BTBD9: variants seen among roughly 807,000 people sequenced by gnomAD.
BTBD9 encodes BTB/POZ domain-containing protein 9.
A neutral mutation model predicts 64.3 loss-of-function variants in BTBD9; 49 were observed. That is an observed-to-expected ratio of 0.76 (90% CI 0.61 to 0.97). BTBD9 has a LOEUF of 0.97. Among genes scored for constraint, BTBD9 ranks in the 50% least tolerant of loss-of-function variants. The probability of loss-of-function intolerance (pLI) is 0.00; values close to 1 mark genes in which losing one functional copy is unlikely to be tolerated. For synonymous variants in BTBD9, 260 were observed against 274.7 expected, an observed-to-expected ratio of 0.95 and a Z score of 0.53; for missense variants, 598 against 762.1, an observed-to-expected ratio of 0.78 and a Z score of 2.53.
At chr6:38,247,324 T>C (rs368925373) in intron 9 of BTBD9, among the ~76,000 whole-genome samples, 8 of 152,324 alleles carry the variant, frequency 5.3e-5, no homozygotes, top group Non-Finnish European at 7.4e-5. Context: ...TTTTCCTCTT[T>C]CTACCATTCC....
intron 1 of BTBD9, among the ~76,000 whole-genome samples, chr6:38,632,327 T>A (rs980206643): frequency 3.3e-5 from 5 of 152,208 alleles, no homozygotes; most frequent in Non-Finnish European, 5.9e-5. Context: ...ATGTATAAAA[T>A]AGGACCAAAG....
chr6:38,464,811 G>C (rs1224995282), intron 6 of BTBD9, among the ~76,000 whole-genome samples: 2 of 152,012 alleles, frequency 1.3e-5, no homozygotes, highest in Non-Finnish European at 2.9e-5. Flanking sequence ...TTTTCTTTTT[G>C]TATAATATCT....
At chr6:38,388,624 AGT>A (rs1315262758) in intron 6 of BTBD9, among the ~76,000 whole-genome samples, 2 of 152,204 alleles carry the variant, frequency 1.3e-5, no homozygotes, top group Non-Finnish European at 2.9e-5. Context: ...AACTGAATTT[AGT>A]GTGTTTATAG....
At position 38,639,908 on chromosome 6, in the gene BTBD9, TCGC is replaced by T; in HGVS notation, c.-139_-137del. 1 of 152,436 alleles carries T rather than the reference TCGC, an allele frequency of 6.6e-6. No individual in the cohort carries two copies. The highest frequency in any genetic ancestry group is 1.5e-5 in the Non-Finnish European group (1 of 68,230). 9.4% of individuals were successfully genotyped at this position (152,436 alleles called of 1,614,324 possible). ...TTGGCCGCTTCCGTGGCCGCCGTCC[TCGC>T]CGCCGCCCCGGCTGCTGCGGCGCGC... is the stretch of plus-strand genomic sequence containing the variant. On this transcript the variant is annotated 5_prime_UTR_variant, in exon 1 of 11. Transcript: ENST00000481247.
chr6:38,545,550 T>A (rs2474245), intron 6 of BTBD9, among the ~76,000 whole-genome samples: 1 of 151,512 alleles, frequency 6.6e-6, no homozygotes, highest in South Asian at 2.1e-4. Context: ...GAGGCGGAGG[T>A]GGGCAAATCA....
chr6:38,477,856 A>G (rs1770960262), intron 6 of BTBD9, among the ~76,000 whole-genome samples: 1 of 152,216 alleles, frequency 6.6e-6, no homozygotes, highest in Non-Finnish European at 1.5e-5. Context: ...ACATCAAGTA[A>G]AGCCATCAGT....
intron 6 of BTBD9, among the ~76,000 whole-genome samples, chr6:38,423,593 T>C (rs1768009094): frequency 6.6e-6 from 1 of 152,150 alleles, no homozygotes; most frequent in African/African-American, 2.4e-5. Flanking sequence ...TGTGAGCAAC[T>C]GTACCTGACC....
At chr6:38,406,464 T>C (rs1384798244) in intron 6 of BTBD9, among the ~76,000 whole-genome samples, 1 of 152,220 alleles carries the variant, frequency 6.6e-6, no homozygotes, top group East Asian at 1.9e-4. Flanking sequence ...AATTGGTACT[T>C]GGAAAAGACC....
At chr6:38,300,334 A>G (rs1207308370) in intron 7 of BTBD9, among the ~76,000 whole-genome samples, 5 of 152,128 alleles carry the variant, frequency 3.3e-5, no homozygotes, top group African/African-American at 7.2e-5. Flanking sequence ...TTGACTTGGC[A>G]ATGCGGGCTT....
chr6:38,414,612 C>T (rs1767583618), intron 6 of BTBD9, among the ~76,000 whole-genome samples: 2 of 152,202 alleles, frequency 1.3e-5, no homozygotes, highest in South Asian at 4.1e-4. Context: ...TGCCATTGGT[C>T]TTCCACCCCC....
At chr6:38,373,677 G>A (rs191455031) in intron 6 of BTBD9, among the ~76,000 whole-genome samples, 137 of 152,198 alleles carry the variant, frequency 9.0e-4, no homozygotes, top group African/African-American at 2.6e-3. Flanking sequence ...CACTACAGGT[G>A]TGCACCACCA....
intron 7 of BTBD9, among the ~76,000 whole-genome samples, chr6:38,319,335 T>C (rs1288766119): frequency 6.6e-6 from 1 of 152,056 alleles, no homozygotes; most frequent in Non-Finnish European, 1.5e-5. Context: ...TTATTCCGTC[T>C]CCTTTTCTCA....
intron 6 of BTBD9, among the ~76,000 whole-genome samples, chr6:38,371,958 CCAAA>C (rs1310374457): frequency 6.6e-6 from 1 of 152,014 alleles, no homozygotes; most frequent in Non-Finnish European, 1.5e-5. Context: ...TTTAGACAAA[CCAAA>C]TAAAACAGTG....
At position 38,485,209 on chromosome 6, in the gene BTBD9, T is replaced by C. The variant is rs143471459; in HGVS notation, c.1154+92391A>G. The stretch of plus-strand genomic sequence containing the variant: ...TCCATAAGAAGCAACTCCTCAACCA[T>C]TAAAGTTTGCAGCAATCCAGTCATA... On this transcript the variant is annotated intron_variant, in intron 6 of 10. Transcript: ENST00000481247. Among the ~76,000 whole-genome samples, 95 of 152,330 alleles carry C rather than the reference T, an allele frequency of 6.2e-4. 1 individual carries two copies. The highest frequency in any genetic ancestry group is 2.0e-3 in the African/African-American group (83 of 41,578).
In BTBD9 at chr6:38,466,001, G is replaced by A. The variant is rs550192869; in HGVS notation, c.1154+111599C>T. 8.2e-4 allele frequency among the ~76,000 whole-genome samples: 124 copies of A among 150,410 alleles called. 1 individual carries two copies. The South Asian group carries it at 0.025, about 30-fold the overall frequency. On this transcript the variant is annotated intron_variant, in intron 6 of 10. Transcript: ENST00000481247. Reference sequence around the variant, plus strand: ...GCATGTCATCATGCCCAGCTAAGATGGGGGTCTCACTATGTTGTCCAGGCT... The same window carrying A: ...GCATGTCATCATGCCCAGCTAAGATAGGGGTCTCACTATGTTGTCCAGGCT...
At chr6:38,327,569 C>T (rs1763489761) in intron 7 of BTBD9, among the ~76,000 whole-genome samples, 1 of 152,206 alleles carries the variant, frequency 6.6e-6, no homozygotes, top group Admixed American at 6.5e-5. Context: ...CAACATCTTT[C>T]CTGAGACATA....
intron 8 of BTBD9, among the ~76,000 whole-genome samples, chr6:38,259,784 GA>G (rs1561938912): frequency 6.6e-6 from 1 of 152,124 alleles, no homozygotes; most frequent in Admixed American, 6.6e-5. Flanking sequence ...TTTAAGTAGA[GA>G]AAACTGTTAA....
At chr6:38,558,672 C>T (rs1241506255) in intron 6 of BTBD9, among the ~76,000 whole-genome samples, 2 of 152,152 alleles carry the variant, frequency 1.3e-5, no homozygotes, top group Non-Finnish European at 2.9e-5. Flanking sequence ...ATTCTGTTCA[C>T]GTGGTAAATC....
In BTBD9 at chr6:38,171,861, AAAAAAAAAAAAAAAAAAAAAATAAT is replaced by A. The variant is rs1336285644; in HGVS notation, c.*3099_*3123del. 77 of 79,580 alleles carry A rather than the reference AAAAAAAAAAAAAAAAAAAAAATAAT, an allele frequency of 9.7e-4. 1 individual carries two copies. The East Asian group carries it at 0.014, about 15-fold the overall frequency. The allele number at this position is 79,580 out of a possible 1,614,324, so 4.9% of individuals were successfully genotyped here. A position where few individuals can be genotyped will look rare whatever the true frequency, so the allele number is the denominator to read the frequency against. On this transcript the variant is annotated 3_prime_UTR_variant, in exon 11 of 11. Transcript: ENST00000481247. ...TTTCTACTCTCAAAAAAAAAAAAAA[AAAAAAAAAAAAAAAAAAAAAATAAT>A]AATAATAATAATAATAATAATAATG...
Sources: gnomAD v4.1 joint callset for allele counts (sites outside exome capture counted in the v4.1 genomes callset) on GRCh38, gnomAD v4.1.1 for gene constraint, MANE v1.5 for transcripts, NCBI Gene and HGNC (gene_info 2026-07-23, HGNC 2026-07-21) for gene names.